UNC13B: variants seen among roughly 807,000 people sequenced by gnomAD.
The protein encoded by UNC13B is unc-13 homolog B, also known as protein unc-13 homolog B.
A neutral mutation model predicts 211.0 loss-of-function variants in UNC13B; 144 were observed. That is an observed-to-expected ratio of 0.68 (90% CI 0.60 to 0.78). UNC13B has a LOEUF of 0.78. Ranked by LOEUF, UNC13B falls within the 30% of genes least tolerant of loss-of-function variation. The pLI is 0.00. For synonymous variants in UNC13B, 709 were observed against 725.8 expected (o/e 0.98, Z 0.37); for missense variants, 1,777 against 2,002.0 (o/e 0.89, Z 2.14).
chr9:35,169,036 T>C (rs115346903), intron 1 of UNC13B, among the ~76,000 whole-genome samples: 299 of 152,266 alleles, frequency 2.0e-3, no homozygotes, highest in African/African-American at 7.0e-3. Context: ...AGTTGATTTA[T>C]ATTATGATTT....
chr9:35,379,971 TA>T (rs1471499173), intron 17 of UNC13B, among the ~76,000 whole-genome samples: 1 of 152,030 alleles, frequency 6.6e-6, no homozygotes, highest in Non-Finnish European at 1.5e-5. Flanking sequence ...TATGATAGGC[TA>T]ATATAGAAGT....
intron 11 of UNC13B, among the ~76,000 whole-genome samples, chr9:35,324,947 C>A (rs951967981): frequency 2.6e-5 from 4 of 152,158 alleles, no homozygotes; most frequent in Non-Finnish European, 4.4e-5. Context: ...TTCAGCTTGT[C>A]CCAATCAAAA....
chr9:35,319,073 A>G (rs1433555030), intron 11 of UNC13B, among the ~76,000 whole-genome samples: 1 of 152,176 alleles, frequency 6.6e-6, no homozygotes, highest in Non-Finnish European at 1.5e-5. Context: ...TTTTGCTCAT[A>G]TTTTCCTAGC....
At chr9:35,357,949 T>A (rs1007878499) in intron 11 of UNC13B, among the ~76,000 whole-genome samples, 2 of 152,216 alleles carry the variant, frequency 1.3e-5, no homozygotes, top group Non-Finnish European at 2.9e-5. Flanking sequence ...TAACTCCTCA[T>A]CCCATCTCAC....
rs185328117 is a variant in UNC13B, at chr9:35,202,880, C to T, written c.23-25135C>T. Among the ~76,000 whole-genome samples, 47 of 151,766 alleles carry T rather than the reference C, an allele frequency of 3.1e-4. No homozygotes were observed. The East Asian group carries it at 8.7e-3, about 28-fold the overall frequency. ...TGATCTCAGCTCACTGCAAGCTCTGCCTCCCAGGTTCACGCCATTCTCCTG... is the reference window on the plus strand; with the variant it reads ...TGATCTCAGCTCACTGCAAGCTCTGTCTCCCAGGTTCACGCCATTCTCCTG... On this transcript the variant is annotated intron_variant, in intron 1 of 39. Transcript: ENST00000635942.
intron 1 of UNC13B, among the ~76,000 whole-genome samples, chr9:35,172,781 C>G (rs1306698254): frequency 1.3e-5 from 2 of 151,340 alleles, no homozygotes; most frequent in African/African-American, 4.8e-5. Flanking sequence ...TTTTTTTGTG[C>G]TGATGAATCC....
Position 35,177,459 on chromosome 9 carries a change from C to G in UNC13B, c.22+15154C>G, listed in dbSNP as rs530618635. Among the ~76,000 whole-genome samples, 9 of 152,324 alleles carry G rather than the reference C, an allele frequency of 5.9e-5. No homozygotes were observed. In the South Asian group the frequency reaches 1.9e-3, roughly 32 times the overall value. On this transcript the variant is annotated intron_variant, in intron 1 of 39. Coordinates refer to ENST00000635942, the MANE Select transcript of UNC13B (RefSeq NM_001371189.2). ...TCTACCAGTGAAAGCTTTTGGCAAG[C>G]CTCTTGACTACCAAGCCACAATTTT...
intron 6 of UNC13B, among the ~76,000 whole-genome samples, chr9:35,254,899 C>T (rs1315776447): frequency 2.9e-4 from 31 of 107,828 alleles, no homozygotes; most frequent in South Asian, 8.1e-4. Flanking sequence ...ATATAATATA[C>T]GTATATAATA....
At chr9:35,262,655 G>T (rs956813938) in intron 7 of UNC13B, among the ~76,000 whole-genome samples, 3 of 152,084 alleles carry the variant, frequency 2.0e-5, no homozygotes, top group Non-Finnish European at 4.4e-5. Context: ...ATCTGGCCAC[G>T]CACTGTGGCT....
intron 22 of UNC13B, 49 bp downstream of exon 22, chr9:35,384,363 C>T: frequency 1.3e-6 from 2 of 1,585,504 alleles, no homozygotes; most frequent in Admixed American, 1.7e-5. Flanking sequence ...CAAGCACGGT[C>T]CCAGAGAGAC....
intron 11 of UNC13B, among the ~76,000 whole-genome samples, chr9:35,344,761 A>G (rs962269807): frequency 1.3e-5 from 2 of 152,178 alleles, no homozygotes; most frequent in African/African-American, 4.8e-5. Context: ...GAAAAGCACT[A>G]TGATGGTAAG....
chr9:35,352,093 A>G (rs1832751923), intron 11 of UNC13B: 21 of 1,231,954 alleles, frequency 1.7e-5, no homozygotes, highest in Non-Finnish European at 2.1e-5. Context: ...GTGAAATAGA[A>G]GGCTTACAGG....
At chr9:35,394,526 G>A (rs1835751386) in intron 26 of UNC13B, among the ~76,000 whole-genome samples, 1 of 152,164 alleles carries the variant, frequency 6.6e-6, no homozygotes, top group East Asian at 1.9e-4. Context: ...AACCCAGGAG[G>A]CAGAGGTTGC....
At chr9:35,201,760 A>G (rs1022025536) in intron 1 of UNC13B, among the ~76,000 whole-genome samples, 1 of 151,686 alleles carries the variant, frequency 6.6e-6, no homozygotes, top group African/African-American at 2.4e-5. Context: ...CGGTCTATCA[A>G]TTTTGTTGAT....
intron 11 of UNC13B, chr9:35,352,320 C>T (rs1832767627): frequency 1.6e-6 from 2 of 1,232,186 alleles, no homozygotes; most frequent in African/African-American, 1.5e-5. Context: ...AGGGCAGGCA[C>T]ATCCCCTTCC....
chr9:35,318,126 C>T (rs1272837930), intron 11 of UNC13B, among the ~76,000 whole-genome samples: 1 of 152,054 alleles, frequency 6.6e-6, no homozygotes, highest in Non-Finnish European at 1.5e-5. Context: ...CAGACAGAGG[C>T]ATGGTTTACC....
At chr9:35,366,029 A>G (rs559859710) in intron 11 of UNC13B, among the ~76,000 whole-genome samples, 1 of 152,130 alleles carries the variant, frequency 6.6e-6, no homozygotes, top group Non-Finnish European at 1.5e-5. Flanking sequence ...TCACTGTTCA[A>G]AGCTAAGCAC....
chr9:35,195,592 CCTGATTTTAGCCTTTTTTACCTTATTT>C (rs1822890467), intron 1 of UNC13B, among the ~76,000 whole-genome samples: 1 of 152,042 alleles, frequency 6.6e-6, no homozygotes, highest in South Asian at 2.1e-4. Flanking sequence ...AAATCTTGTC[CCTGATTTTAGCCTTTTTTACCTTATTT>C]CTGATTTTAG....
At chr9:35,219,228 GC>G (rs1336498665) in intron 1 of UNC13B, among the ~76,000 whole-genome samples, 1 of 152,098 alleles carries the variant, frequency 6.6e-6, no homozygotes, top group African/African-American at 2.4e-5. Context: ...AACCTCATTG[GC>G]AGTGGAGTGG....
Sources: allele counts gnomAD v4.1 joint callset (sites outside exome capture counted in the v4.1 genomes callset), GRCh38; gene constraint gnomAD v4.1.1; transcripts MANE v1.5; gene names NCBI Gene and HGNC (gene_info 2026-07-23, HGNC 2026-07-21).